CPED1: variants seen among roughly 807,000 people sequenced by gnomAD.
CPED1 encodes cadherin like and PC-esterase domain containing 1.
In CPED1, 114 loss-of-function variants were observed where a neutral mutation model predicts 128.2. That is an observed-to-expected ratio of 0.89 (90% CI 0.76 to 1.04). The LOEUF (loss-of-function observed/expected upper bound fraction) is 1.04. Among genes scored for constraint, CPED1 ranks in the 50% least tolerant of loss-of-function variants. CPED1 has a pLI of 0.00. For synonymous variants in CPED1, 462 were observed against 426.7 expected (o/e 1.08, Z -1.02); for missense variants, 1,211 against 1,207.1 (o/e 1.00, Z -0.05).
rs765215016 is a variant in CPED1, at chr7:121,193,389, C to T, written c.2056-43325C>T. On this transcript the variant is annotated intron_variant, in intron 16 of 22. Transcript: ENST00000310396. ...GGGTTACTTTAGTTGAAAAAATAAA[C>T]CATTTATAGTACCCTAATACCTTTT... is the stretch of plus-strand genomic sequence containing the variant. Among the ~76,000 whole-genome samples the T allele has an allele frequency of 3.9e-5, 6 of 152,058 alleles. No individual in the cohort carries two copies. The East Asian group carries it at 1.2e-3, about 29-fold the overall frequency.
intron 3 of CPED1, among the ~76,000 whole-genome samples, chr7:121,022,033 T>C (rs1792453047): frequency 6.6e-6 from 1 of 151,964 alleles, no homozygotes; most frequent in Non-Finnish European, 1.5e-5. Context: ...TCCTGGATTA[T>C]TCCCTTGGAA....
chr7:121,024,499 T>A (rs1792520431), intron 3 of CPED1, among the ~76,000 whole-genome samples: 2 of 152,170 alleles, frequency 1.3e-5, no homozygotes, highest in African/African-American at 4.8e-5. Context: ...AATTGTTTGA[T>A]CTTTTTAAGT....
intron 22 of CPED1, among the ~76,000 whole-genome samples, chr7:121,277,207 A>G (rs1792347097): frequency 6.6e-6 from 1 of 152,164 alleles, no homozygotes; most frequent in African/African-American, 2.4e-5. Flanking sequence ...GTGATGGATT[A>G]GGGAGAGAAA....
chr7:121,207,899 T>C (rs929210275), intron 16 of CPED1, among the ~76,000 whole-genome samples: 1 of 151,964 alleles, frequency 6.6e-6, no homozygotes. Context: ...CCTAGATTAT[T>C]CCCCCTCTAC....
chr7:121,290,319 C>A (rs1313952478), intron 22 of CPED1, among the ~76,000 whole-genome samples: 1 of 152,148 alleles, frequency 6.6e-6, no homozygotes, highest in Admixed American at 6.5e-5. Context: ...TGGATATATA[C>A]CCAGTAATGG....
intron 22 of CPED1, among the ~76,000 whole-genome samples, chr7:121,292,567 G>T (rs1054291142): frequency 5.3e-5 from 8 of 152,004 alleles, no homozygotes; most frequent in African/African-American, 1.7e-4. Context: ...TGCTGGCGAG[G>T]AGTTGCGATC....
At chr7:121,014,536 C>T (rs1298667079) in intron 2 of CPED1, among the ~76,000 whole-genome samples, 8 of 129,292 alleles carry the variant, frequency 6.2e-5, no homozygotes, top group South Asian at 2.5e-4. Flanking sequence ...GGCGACAGAG[C>T]GAGACTTTGT....
chr7:121,259,517 T>C (rs537239638), intron 18 of CPED1, among the ~76,000 whole-genome samples: 3 of 152,146 alleles, frequency 2.0e-5, no homozygotes, highest in South Asian at 2.1e-4. Context: ...GGAAAATCAA[T>C]TGAAAAAAAG....
At chr7:121,074,546 A>T (rs1794076487) in intron 5 of CPED1, among the ~76,000 whole-genome samples, 1 of 89,236 alleles carries the variant, frequency 1.1e-5, no homozygotes, top group South Asian at 3.5e-4. Flanking sequence ...CTTCATCTGC[A>T]TTAAAAACCT....
At chr7:121,192,966 A>G (rs899152648) in intron 16 of CPED1, among the ~76,000 whole-genome samples, 1 of 152,178 alleles carries the variant, frequency 6.6e-6, no homozygotes, top group Non-Finnish European at 1.5e-5. Context: ...AAGTAAAATC[A>G]TTCTGGGACA....
At chr7:121,084,625 A>G (rs1371304797) in intron 5 of CPED1, among the ~76,000 whole-genome samples, 1 of 152,226 alleles carries the variant, frequency 6.6e-6, no homozygotes, top group Non-Finnish European at 1.5e-5. Flanking sequence ...TTGGCCATGG[A>G]ATTTCATTTC....
chr7:121,273,534 A>G (rs1449902461), intron 22 of CPED1, among the ~76,000 whole-genome samples: 1 of 152,036 alleles, frequency 6.6e-6, no homozygotes, highest in African/African-American at 2.4e-5. Context: ...AAGAAAAAAA[A>G]AAAATCCATC....
At chr7:121,123,935 A>G (rs1183423030) in intron 7 of CPED1, among the ~76,000 whole-genome samples, 1 of 152,220 alleles carries the variant, frequency 6.6e-6, no homozygotes, top group African/African-American at 2.4e-5. Context: ...ATTTGGCTTC[A>G]CATCTCTCTT....
At position 121,151,234 on chromosome 7, in the gene CPED1, T is replaced by C. The variant is rs149241042; in HGVS notation, c.2055+9093T>C. Among the ~76,000 whole-genome samples, 229 of 152,218 alleles carry C rather than the reference T, an allele frequency of 1.5e-3. 1 individual carries two copies. The highest frequency in any genetic ancestry group is 6.2e-4 in the Non-Finnish European group (42 of 68,020). On this transcript the variant is annotated intron_variant, in intron 16 of 22. Coordinates refer to ENST00000310396, the MANE Select transcript of CPED1 (RefSeq NM_024913.5). ...TTTGACCCCTCATCTCAAGAAATAATGTACGTATATATGCCCAATGCCGTA... is the reference window on the plus strand; with the variant it reads ...TTTGACCCCTCATCTCAAGAAATAACGTACGTATATATGCCCAATGCCGTA...
At chr7:121,121,737 T>G (rs1214084606) in intron 7 of CPED1, among the ~76,000 whole-genome samples, 1 of 152,186 alleles carries the variant, frequency 6.6e-6, no homozygotes, top group African/African-American at 2.4e-5. Context: ...ATTTGTGAGT[T>G]AAGAAAGTGC....
chr7:121,187,790 T>C (rs964121438), intron 16 of CPED1, among the ~76,000 whole-genome samples: 9 of 152,152 alleles, frequency 5.9e-5, no homozygotes, highest in Admixed American at 1.3e-4. Flanking sequence ...AGAGATGAGC[T>C]GGCTTTTCAG....
At chr7:121,078,713 C>A (rs1408631983) in intron 5 of CPED1, among the ~76,000 whole-genome samples, 1 of 152,158 alleles carries the variant, frequency 6.6e-6, no homozygotes, top group Non-Finnish European at 1.5e-5. Flanking sequence ...CACCTCCAAA[C>A]TGGGAGACCA....
At chr7:121,095,682 G>A (rs2116206339) in intron 5 of CPED1, among the ~76,000 whole-genome samples, 1 of 152,086 alleles carries the variant, frequency 6.6e-6, no homozygotes. Context: ...TCCTGTATTG[G>A]ACCCCTTCAG....
intron 13 of CPED1, among the ~76,000 whole-genome samples, chr7:121,134,757 A>C (rs2116346530): frequency 6.6e-6 from 1 of 152,154 alleles, no homozygotes; most frequent in East Asian, 1.9e-4. Context: ...AGTTGGAGAG[A>C]GTGTATGGAA....
Sources: gnomAD v4.1 joint callset for allele counts (sites outside exome capture counted in the v4.1 genomes callset) on GRCh38, gnomAD v4.1.1 for gene constraint, MANE v1.5 for transcripts, NCBI Gene and HGNC (gene_info 2026-07-23, HGNC 2026-07-21) for gene names.